COL14A1: variants seen among roughly 807,000 people sequenced by gnomAD.
The protein encoded by COL14A1 is collagen alpha-1(XIV) chain.
Under a neutral mutation model 230.3 loss-of-function variants are expected in COL14A1, and 136 were observed. The observed-to-expected ratio is 0.59, with a 90% confidence interval of 0.51 to 0.68. The LOEUF (loss-of-function observed/expected upper bound fraction) is 0.68. Ranked by LOEUF, COL14A1 falls within the 30% of genes least tolerant of loss-of-function variation. The probability of loss-of-function intolerance (pLI) is 0.00; values close to 1 mark genes in which losing one functional copy is unlikely to be tolerated. For missense variants in COL14A1, 1,976 were observed against 2,215.8 expected (o/e 0.89, Z 2.17); for synonymous variants, 792 against 784.1 (o/e 1.01, Z -0.17).
At chr8:120,232,817 T>C (rs1464044196) in intron 19 of COL14A1, among the ~76,000 whole-genome samples, 1 of 152,212 alleles carries the variant, frequency 6.6e-6, no homozygotes, top group East Asian at 1.9e-4. Flanking sequence ...TATTTCTAGT[T>C]CTAGGTCTTT....
At chr8:120,314,552 GT>G (rs1232008160) in intron 38 of COL14A1, among the ~76,000 whole-genome samples, 2 of 152,146 alleles carry the variant, frequency 1.3e-5, no homozygotes, top group African/African-American at 4.8e-5. Flanking sequence ...TGAAAAAAAA[GT>G]TTAATTCCAT....
chr8:120,309,309 A>C (rs1467607362), intron 36 of COL14A1, among the ~76,000 whole-genome samples: 1 of 152,202 alleles, frequency 6.6e-6, no homozygotes, highest in Non-Finnish European at 1.5e-5. Flanking sequence ...AGCAAGCGAT[A>C]CTTTTTTTCA....
chr8:120,277,277 G>C (rs1379476269), intron 26 of COL14A1, among the ~76,000 whole-genome samples: 1 of 152,102 alleles, frequency 6.6e-6, no homozygotes, highest in Non-Finnish European at 1.5e-5. Flanking sequence ...GAGTAGAATA[G>C]TAGTAATTAC....
chr8:120,238,669 G>A (rs557646116), intron 19 of COL14A1, among the ~76,000 whole-genome samples: 58 of 152,300 alleles, frequency 3.8e-4, no homozygotes, highest in African/African-American at 1.3e-3. Flanking sequence ...ATAAACTCTT[G>A]CAGCTAGCTC....
intron 34 of COL14A1, 36 bp downstream of exon 34, chr8:120,289,802 A>G: frequency 5.7e-6 from 9 of 1,569,550 alleles, no homozygotes; most frequent in Non-Finnish European, 7.8e-6. Flanking sequence ...TGTTATTGTT[A>G]AGGGAGAGAA....
chr8:120,194,055 A>G (rs1432441823), intron 5 of COL14A1, among the ~76,000 whole-genome samples: 3 of 152,132 alleles, frequency 2.0e-5, no homozygotes, highest in Non-Finnish European at 4.4e-5. Flanking sequence ...CGCTGCACCC[A>G]CTGTCCTGTG....
intron 45 of COL14A1, among the ~76,000 whole-genome samples, chr8:120,362,944 T>C (rs1187185266): frequency 2.0e-5 from 3 of 152,212 alleles, no homozygotes; most frequent in Non-Finnish European, 4.4e-5. Context: ...GTGCTCATTT[T>C]AAAAATTGCA....
chr8:120,367,689 G>A (rs1432517639), intron 46 of COL14A1, among the ~76,000 whole-genome samples: 4 of 151,134 alleles, frequency 2.6e-5, no homozygotes, highest in East Asian at 1.9e-4. Context: ...TAAGCCCAGC[G>A]TTTTGGGAAG....
In COL14A1 at chr8:120,349,175, C is replaced by T. The variant is rs914083962; in HGVS notation, c.5077+3612C>T. ...TTCCAACAGACCTGCAGCTGAGGGTCCTGTCTGTTAGAAGGAAAACTAACA... is the reference window on the plus strand; with the variant it reads ...TTCCAACAGACCTGCAGCTGAGGGTTCTGTCTGTTAGAAGGAAAACTAACA... On this transcript the variant is annotated intron_variant, in intron 45 of 47. Transcript: ENST00000297848. 7.9e-5 allele frequency among the ~76,000 whole-genome samples: 12 copies of T among 151,946 alleles called. No homozygotes were observed. The East Asian group carries it at 9.7e-4, about 12-fold the overall frequency.
chr8:120,315,844 C>G lies in COL14A1; in HGVS notation c.4606-100C>G, dbSNP rs182734790. ...GTTACAAAGGGTTCACCATTATGCT[C>G]TTAGGTTTGTTTGGAGGCCTTCATC... is the stretch of plus-strand genomic sequence containing the variant. On this transcript the variant is annotated intron_variant, in intron 39 of 47. Coordinates refer to ENST00000297848, the MANE Select transcript of COL14A1 (RefSeq NM_021110.4). The G allele has an allele frequency of 3.3e-3, 4,001 of 1,219,994 alleles. 15 individuals carry two copies. Among genetic ancestry groups the G allele is most frequent in the Non-Finnish European group, 3.9e-3 (3,307 of 839,056 alleles). 75.6% of individuals were successfully genotyped at this position (1,219,994 alleles called of 1,614,324 possible).
Position 120,342,577 on chromosome 8 carries a change from C to G in COL14A1, c.4888+131C>G, listed in dbSNP as rs556113211. The G allele has an allele frequency of 4.6e-5, 38 of 822,652 alleles. No individual in the cohort carries two copies. The Admixed American group carries it at 6.9e-4, about 15-fold the overall frequency. The allele number at this position is 822,652 out of a possible 1,614,324, so 51.0% of individuals were successfully genotyped here. ...TCTTTGTGCAGACACATAAGCTTTA[C>G]AGATGACCATCACTGACCCATCAAA... On this transcript the variant is annotated intron_variant, in intron 44 of 47. Coordinates refer to ENST00000297848, the MANE Select transcript of COL14A1 (RefSeq NM_021110.4).
At chr8:120,340,602 A>G (rs1178400040) in intron 42 of COL14A1, among the ~76,000 whole-genome samples, 1 of 152,230 alleles carries the variant, frequency 6.6e-6, no homozygotes, top group Non-Finnish European at 1.5e-5. Flanking sequence ...AATCCTTCTG[A>G]AGACACGTGT....
chr8:120,184,396 A>G (rs980030652), intron 5 of COL14A1, among the ~76,000 whole-genome samples: 1 of 152,002 alleles, frequency 6.6e-6, no homozygotes, highest in Non-Finnish European at 1.5e-5. Flanking sequence ...CTGGGATCAC[A>G]GGTGTACATC....
intron 20 of COL14A1, among the ~76,000 whole-genome samples, chr8:120,246,012 T>A (rs1212534997): frequency 6.6e-6 from 1 of 152,210 alleles, no homozygotes; most frequent in Non-Finnish European, 1.5e-5. Flanking sequence ...TCTGTGACCA[T>A]CTTTATCCAT....
At chr8:120,184,974 C>T (rs974837882) in intron 5 of COL14A1, among the ~76,000 whole-genome samples, 2 of 152,088 alleles carry the variant, frequency 1.3e-5, no homozygotes, top group Non-Finnish European at 2.9e-5. Context: ...ACCCCATGGC[C>T]TAGTCAAATT....
chr8:120,274,283 A>G (rs1338716147), intron 26 of COL14A1, among the ~76,000 whole-genome samples: 1 of 151,878 alleles, frequency 6.6e-6, no homozygotes, highest in South Asian at 2.1e-4. Context: ...GCATCCCTTT[A>G]TGATAAATAC....
chr8:120,348,824 T>C (rs1031938502), intron 45 of COL14A1, among the ~76,000 whole-genome samples: 1 of 152,240 alleles, frequency 6.6e-6, no homozygotes, highest in African/African-American at 2.4e-5. Context: ...CATGATGCAA[T>C]ATTGCTTATG....
intron 21 of COL14A1, among the ~76,000 whole-genome samples, chr8:120,248,342 G>A (rs940083529): frequency 3.9e-5 from 6 of 152,172 alleles, no homozygotes; most frequent in East Asian, 1.9e-4. Context: ...AGTAGAAAGC[G>A]ATCGTACCCT....
rs201722446 is a variant in COL14A1, at chr8:120,315,550, A to C, written c.4569A>C (p.Lys1523Asn). Residue 1523 changes from lysine (K) to asparagine (N), a missense_variant, in exon 39 of 48, where the codon AAA becomes AAC. Coordinates refer to ENST00000297848, the MANE Select transcript of COL14A1 (RefSeq NM_021110.4). ...ATATTCAGGGAATGCCAGGAGAAAA[A>C]GGAGAGAAAGGAGATACTGGCCTTC... The part of the protein sequence containing the change: ...IQGMPGMPGE[K>N]GEKGDTGLPG... 59 of 1,613,214 alleles carry C rather than the reference A, an allele frequency of 3.7e-5. No homozygotes were observed. Among genetic ancestry groups the C allele is most frequent in the Non-Finnish European group, 4.8e-5 (57 of 1,179,410 alleles).
Sources: gnomAD v4.1 joint callset for allele counts (sites outside exome capture counted in the v4.1 genomes callset) on GRCh38, gnomAD v4.1.1 for gene constraint, MANE v1.5 for transcripts, NCBI Gene and HGNC (gene_info 2026-07-23, HGNC 2026-07-21) for gene names.